The following PRKG1 variants were observed in gnomAD, a reference collection of about 807,000 sequenced individuals.
PRKG1 encodes cGMP-dependent protein kinase 1.
PRKG1 carries 35 observed loss-of-function variants against 88.1 expected under a neutral mutation model. That is an observed-to-expected ratio of 0.40 (90% CI 0.30 to 0.53). The LOEUF is 0.53. Ranked by LOEUF, PRKG1 falls within the 20% of genes least tolerant of loss-of-function variation. The pLI is 0.59. For missense variants in PRKG1, 540 were observed against 839.8 expected, an observed-to-expected ratio of 0.64 and a Z score of 4.41; for synonymous variants, 303 against 292.5, an observed-to-expected ratio of 1.04 and a Z score of -0.37.
At chr10:51,238,867 A>G (rs1159151838) in intron 2 of PRKG1, among the ~76,000 whole-genome samples, 1 of 152,048 alleles carries the variant, frequency 6.6e-6, no homozygotes, top group Non-Finnish European at 1.5e-5. Context: ...TAAAGTTTAA[A>G]TATTTACATT....
At chr10:52,092,949 A>G (rs1480145586) in intron 7 of PRKG1, among the ~76,000 whole-genome samples, 2 of 152,300 alleles carry the variant, frequency 1.3e-5, no homozygotes, top group African/African-American at 4.8e-5. Flanking sequence ...CAAAATTCTT[A>G]GAGGCCTGTA....
chr10:51,489,966 C>A (rs113777893), intron 3 of PRKG1, among the ~76,000 whole-genome samples: 43 of 152,246 alleles, frequency 2.8e-4, no homozygotes, highest in African/African-American at 9.6e-4. Context: ...TATCTTTTGG[C>A]CCCACTTTTA....
chr10:51,374,933 T>C (rs1292983399), intron 2 of PRKG1, among the ~76,000 whole-genome samples: 1 of 152,094 alleles, frequency 6.6e-6, no homozygotes, highest in East Asian at 1.9e-4. Context: ...TCTTGCCATG[T>C]GGGCCTCTCC....
chr10:51,772,049 T>C (rs1390080515), intron 3 of PRKG1, among the ~76,000 whole-genome samples: 2 of 152,136 alleles, frequency 1.3e-5, no homozygotes, highest in Non-Finnish European at 2.9e-5. Flanking sequence ...GTTTCAAATA[T>C]TGATTCGACT....
At chr10:51,136,246 T>C (rs1367311245) in intron 1 of PRKG1, among the ~76,000 whole-genome samples, 1 of 151,928 alleles carries the variant, frequency 6.6e-6, no homozygotes, top group Admixed American at 6.6e-5. Flanking sequence ...ATGTTCCCAG[T>C]TGAGGTTAAA....
intron 3 of PRKG1, among the ~76,000 whole-genome samples, chr10:51,743,056 G>T (rs918377324): frequency 6.7e-6 from 1 of 149,828 alleles, no homozygotes. Flanking sequence ...ATTAAAAAGA[G>T]AGAGAGAGAG....
intron 2 of PRKG1, among the ~76,000 whole-genome samples, chr10:51,393,085 G>A (rs373786949): frequency 1.2e-5 from 1 of 82,396 alleles, no homozygotes. Flanking sequence ...GGGCGGAGGG[G>A]CTCCTCACTT....
At chr10:51,952,907 G>A (rs967901976) in intron 5 of PRKG1, among the ~76,000 whole-genome samples, 3 of 152,190 alleles carry the variant, frequency 2.0e-5, no homozygotes, top group African/African-American at 7.2e-5. Context: ...CTAATACAGA[G>A]CCTGGGACAG....
chr10:51,204,090 C>T (rs1837981198), intron 2 of PRKG1, among the ~76,000 whole-genome samples: 1 of 152,124 alleles, frequency 6.6e-6, no homozygotes, highest in African/African-American at 2.4e-5. Flanking sequence ...TACCTAGAAA[C>T]TTATGTATTT....
chr10:51,454,456 A>G (rs922292410), intron 2 of PRKG1, among the ~76,000 whole-genome samples: 3 of 150,262 alleles, frequency 2.0e-5, no homozygotes, highest in African/African-American at 7.3e-5. Context: ...CTTACAGCCA[A>G]CTGATCTTTG....
At chr10:51,608,975 G>T (rs896827574) in intron 3 of PRKG1, among the ~76,000 whole-genome samples, 1 of 151,962 alleles carries the variant, frequency 6.6e-6, no homozygotes, top group Non-Finnish European at 1.5e-5. Flanking sequence ...TGATGAGTTT[G>T]TATTTTAAGC....
At chr10:51,640,739 T>G (rs1839778409) in intron 3 of PRKG1, among the ~76,000 whole-genome samples, 1 of 152,192 alleles carries the variant, frequency 6.6e-6, no homozygotes, top group South Asian at 2.1e-4. Context: ...TAGAATACTC[T>G]CAAATTAGTA....
At position 51,356,214 on chromosome 10, in the gene PRKG1, T is replaced by A. The variant is rs188688631; in HGVS notation, c.479-111509T>A. On this transcript the variant is annotated intron_variant, in intron 2 of 17. Coordinates refer to ENST00000373980, the MANE Select transcript of PRKG1 (RefSeq NM_006258.4). ...AATGTAGGTGAACCAGAATGGTTGA[T>A]GAAAATACTGCCAGAGCAAGTGTGA... is the stretch of plus-strand genomic sequence containing the variant. Among the ~76,000 whole-genome samples the A allele has an allele frequency of 2.0e-5, 3 of 152,200 alleles. No homozygotes were observed. In the East Asian group the frequency reaches 5.8e-4, roughly 29 times the overall value.
intron 3 of PRKG1, chr10:51,696,230 A>C (rs1342741629): frequency 6.6e-6 from 1 of 150,746 alleles, no homozygotes; most frequent in Non-Finnish European, 1.5e-5. Flanking sequence ...TTATGAAATA[A>C]GAAAACTAAA....
intron 9 of PRKG1, among the ~76,000 whole-genome samples, chr10:52,193,241 C>T (rs924906896): frequency 1.3e-5 from 2 of 152,038 alleles, no homozygotes; most frequent in Non-Finnish European, 2.9e-5. Flanking sequence ...ACTCAAACAT[C>T]TTAGAACTAT....
intron 2 of PRKG1, among the ~76,000 whole-genome samples, chr10:51,268,069 A>C (rs1839882504): frequency 1.3e-5 from 2 of 152,192 alleles, no homozygotes; most frequent in South Asian, 4.1e-4. Context: ...CAGGGGAGAC[A>C]TCACATGTCA....
At chr10:51,454,108 A>T (rs1028885870) in intron 2 of PRKG1, among the ~76,000 whole-genome samples, 16 of 152,214 alleles carry the variant, frequency 1.1e-4, no homozygotes, top group Middle Eastern at 6.8e-3. Context: ...GCACAAACAA[A>T]TGGAAACACA....
intron 1 of PRKG1, among the ~76,000 whole-genome samples, chr10:50,997,602 T>C (rs1167782013): frequency 6.6e-6 from 1 of 152,212 alleles, no homozygotes; most frequent in African/African-American, 2.4e-5. Flanking sequence ...ATAATTATTT[T>C]CATTTGCCAT....
At chr10:51,599,351 C>A (rs1370493899) in intron 3 of PRKG1, among the ~76,000 whole-genome samples, 1 of 152,106 alleles carries the variant, frequency 6.6e-6, no homozygotes, top group Non-Finnish European at 1.5e-5. Context: ...TTGACTAATC[C>A]AAAATGGCAA....
Sources: gnomAD v4.1 joint callset for allele counts (sites outside exome capture counted in the v4.1 genomes callset) on GRCh38, gnomAD v4.1.1 for gene constraint, MANE v1.5 for transcripts, NCBI Gene and HGNC (gene_info 2026-07-23, HGNC 2026-07-21) for gene names.